Variants in ARHGEF9 observed in about 807,000 individuals in gnomAD.
ARHGEF9 encodes Cdc42 guanine nucleotide exchange factor 9.
In ARHGEF9, 2 loss-of-function variants were observed where a neutral mutation model predicts 41.3. The observed-to-expected ratio is 0.05, with a 90% CI of 0.02 to 0.15. The LOEUF (loss-of-function observed/expected upper bound fraction) is 0.15, where lower values mean the gene tolerates loss of function less well. Among genes scored for constraint, ARHGEF9 ranks in the 10% least tolerant of loss-of-function variants. The probability of loss-of-function intolerance (pLI) is 1.00; values close to 1 mark genes in which losing one functional copy is unlikely to be tolerated. For missense variants in ARHGEF9, 225 were observed against 424.7 expected (o/e 0.53, Z 4.13); for synonymous variants, 160 against 154.4 (o/e 1.04, Z -0.27).
At chrX:63,757,350 G>A (rs1189216968) in intron 1 of ARHGEF9, among the ~76,000 whole-genome samples, 4 of 111,379 alleles carry the variant, frequency 3.6e-5, no homozygotes, top group Non-Finnish European at 5.6e-5. Flanking sequence ...AGCTCTCCTG[G>A]ACCCCAGAAT....
chrX:63,672,636 C>T (rs1397382382), intron 6 of ARHGEF9, among the ~76,000 whole-genome samples: 1 of 111,183 alleles, frequency 9.0e-6, no homozygotes, highest in Non-Finnish European at 1.9e-5. Context: ...TGTCCCAGAG[C>T]ACACAGGGGA....
intron 9 of ARHGEF9, chrX:63,638,618 C>A (rs2147116576): frequency 3.3e-6 from 1 of 307,031 alleles, no homozygotes; most frequent in South Asian, 1.8e-4. Flanking sequence ...GGGGTTGGTC[C>A]TGCAAAGAAC....
At chrX:63,647,356 C>T (rs183654741) in intron 8 of ARHGEF9, among the ~76,000 whole-genome samples, 23 of 111,679 alleles carry the variant, frequency 2.1e-4, no homozygotes, top group Admixed American at 4.7e-4. Flanking sequence ...GGTATGATAT[C>T]GGCTGTGGGT....
At chrX:63,712,100 T>C (rs2052972143) in intron 2 of ARHGEF9, among the ~76,000 whole-genome samples, 1 of 112,139 alleles carries the variant, frequency 8.9e-6, no homozygotes, top group South Asian at 3.7e-4. Flanking sequence ...AGAATGGCTG[T>C]AATAATTTAA....
intron 4 of ARHGEF9, among the ~76,000 whole-genome samples, chrX:63,688,918 G>C (rs782039550): frequency 1.8e-5 from 2 of 112,031 alleles, no homozygotes; most frequent in East Asian, 5.6e-4. Flanking sequence ...TCAAAGTTAA[G>C]TTGTCATCAG....
At chrX:63,777,752 A>G (rs1250637005) in intron 1 of ARHGEF9, among the ~76,000 whole-genome samples, 1 of 112,642 alleles carries the variant, frequency 8.9e-6, no homozygotes, top group Non-Finnish European at 1.9e-5. Flanking sequence ...TCCAGAATCC[A>G]GTGGAGCAGC....
rs2047378365 is a variant in ARHGEF9, at chrX:63,637,807, T to C, written c.*221A>G. 1 of 304,067 alleles carries C rather than the reference T, an allele frequency of 3.3e-6. No homozygotes were observed. Among genetic ancestry groups the C allele is most frequent in the African/African-American group, 2.8e-5 (1 of 36,026 alleles). 25.1% of individuals were successfully genotyped at this position (304,067 alleles called of 1,213,427 possible). A position where few individuals can be genotyped will look rare whatever the true frequency, so the allele number is the denominator to read the frequency against. ...CTTCCTACCAACCACATATTTCACT[T>C]CCCCAAAACAACAGAAAACACTTTT... On this transcript the variant is annotated 3_prime_UTR_variant, in exon 10 of 10. Coordinates refer to ENST00000671741, the MANE Select transcript of ARHGEF9 (RefSeq NM_001353921.2).
intron 9 of ARHGEF9, chrX:63,641,721 CAACTT>C (rs1466471790): frequency 8.9e-6 from 1 of 111,971 alleles, no homozygotes; most frequent in Non-Finnish European, 1.9e-5. Flanking sequence ...TTAATAGTGT[CAACTT>C]GACTGGATTG....
chrX:63,650,751 C>A (rs1471336036), intron 8 of ARHGEF9, among the ~76,000 whole-genome samples: 1 of 110,580 alleles, frequency 9.0e-6, no homozygotes, highest in East Asian at 2.8e-4. Context: ...CAAAATATCA[C>A]ATGTACCTTA....
intron 1 of ARHGEF9, among the ~76,000 whole-genome samples, chrX:63,762,642 G>A (rs1159017789): frequency 8.9e-6 from 1 of 111,857 alleles, no homozygotes; most frequent in African/African-American, 3.2e-5. Context: ...GAGAGATTTT[G>A]AAGATATGCA....
At chrX:63,743,688 G>T (rs2055098492) in intron 1 of ARHGEF9, among the ~76,000 whole-genome samples, 1 of 111,938 alleles carries the variant, frequency 8.9e-6, no homozygotes, top group Non-Finnish European at 1.9e-5. Flanking sequence ...AGGATCTAGG[G>T]GCCAAGAATT....
chrX:63,662,223 T>A (rs2049267948), intron 7 of ARHGEF9, among the ~76,000 whole-genome samples: 1 of 111,997 alleles, frequency 8.9e-6, no homozygotes, highest in African/African-American at 3.2e-5. Context: ...AAAAGTCACT[T>A]GCTTGAAATC....
At chrX:63,752,015 A>C (rs1198597722) in intron 1 of ARHGEF9, among the ~76,000 whole-genome samples, 3 of 111,981 alleles carry the variant, frequency 2.7e-5, no homozygotes, top group Non-Finnish European at 5.6e-5. Context: ...CCTTGGGGGA[A>C]AAAAAGTCAA....
At chrX:63,739,169 T>G (rs1602643216) in intron 1 of ARHGEF9, among the ~76,000 whole-genome samples, 1 of 111,730 alleles carries the variant, frequency 9.0e-6, no homozygotes, top group East Asian at 2.8e-4. Flanking sequence ...CTTAGGCAGG[T>G]CAGGGGTACC....
rs781901799 is a variant in ARHGEF9, at chrX:63,655,755, G to A, written c.1078-18C>T. ...ATTAGGTCCTAGATGGGAAGGAAGAGGTTTCTTGAAGGTATGTGCACGGCG... is the reference window on the plus strand; with the variant it reads ...ATTAGGTCCTAGATGGGAAGGAAGAAGTTTCTTGAAGGTATGTGCACGGCG... On this transcript the variant is annotated intron_variant, in intron 7 of 9. Transcript: ENST00000671741. 22 of 1,205,083 alleles carry A rather than the reference G, an allele frequency of 1.8e-5. No individual in the cohort carries two copies. The highest frequency in any genetic ancestry group is 2.5e-5 in the Non-Finnish European group (22 of 894,719).
chrX:63,772,128 C>T (rs2147815890), intron 1 of ARHGEF9, among the ~76,000 whole-genome samples: 1 of 112,452 alleles, frequency 8.9e-6, no homozygotes, highest in East Asian at 2.8e-4. Flanking sequence ...GAAGCTTAAA[C>T]AGGTGAAGTC....
chrX:63,749,833 A>G (rs1880103974), intron 1 of ARHGEF9, among the ~76,000 whole-genome samples: 2 of 112,051 alleles, frequency 1.8e-5, no homozygotes, highest in Admixed American at 1.9e-4. Context: ...TTCCCCTTCT[A>G]GTTTTTCCTC....
intron 2 of ARHGEF9, 68 bp downstream of exon 2, chrX:63,724,464 C>A: frequency 9.0e-7 from 1 of 1,113,367 alleles, no homozygotes; most frequent in African/African-American, 1.8e-5. Flanking sequence ...AGAACAGAGG[C>A]TGGTGAAGGG....
At chrX:63,692,840 A>C (rs2051445340) in intron 4 of ARHGEF9, among the ~76,000 whole-genome samples, 1 of 112,488 alleles carries the variant, frequency 8.9e-6, no homozygotes, top group South Asian at 3.6e-4. Context: ...TGGATGAAGA[A>C]CATGTTGCTA....
Sources: allele counts gnomAD v4.1 joint callset (sites outside exome capture counted in the v4.1 genomes callset), GRCh38; gene constraint gnomAD v4.1.1; transcripts MANE v1.5; gene names NCBI Gene and HGNC (gene_info 2026-07-23, HGNC 2026-07-21).